C8orf34: variants seen among roughly 807,000 people sequenced by gnomAD.
C8orf34 encodes the protein uncharacterized protein C8orf34.
In C8orf34, 65 loss-of-function variants were observed where a neutral mutation model predicts 68.3. The observed-to-expected ratio is 0.95, with a 90% CI of 0.78 to 1.17. The LOEUF is 1.17. C8orf34 is among the 50% of genes most tolerant of loss of function. C8orf34 has a pLI of 0.00. For missense variants in C8orf34, 664 were observed against 655.4 expected (o/e 1.01, Z -0.14); for synonymous variants, 244 against 241.2 (o/e 1.01, Z -0.11).
intron 3 of C8orf34, 198 bp downstream of exon 3, chr8:68,446,658 A>G (rs1385230053): frequency 3.5e-6 from 2 of 567,996 alleles, no homozygotes; most frequent in Non-Finnish European, 3.0e-6. Context: ...ATTCTCAAAC[A>G]TGTGTAATTC....
intron 8 of C8orf34, among the ~76,000 whole-genome samples, chr8:68,647,634 T>C (rs907935923): frequency 6.6e-6 from 1 of 152,138 alleles, no homozygotes; most frequent in African/African-American, 2.4e-5. Context: ...GAGAGAGAAA[T>C]TAGGGCTACG....
chr8:68,375,759 A>G (rs1315822943), intron 1 of C8orf34, among the ~76,000 whole-genome samples: 1 of 152,236 alleles, frequency 6.6e-6, no homozygotes, highest in African/African-American at 2.4e-5. Context: ...GCAATTAGTC[A>G]GCATTTATTT....
chr8:68,625,180 G>GGAGCAAGGGAGCAA (rs1277527193), intron 7 of C8orf34, among the ~76,000 whole-genome samples: 5 of 152,098 alleles, frequency 3.3e-5, no homozygotes, highest in Non-Finnish European at 7.4e-5. Flanking sequence ...AAGGCTTCTG[G>GGAGCAAGGGAGCAA]GGTTGAGAAG....
intron 8 of C8orf34, among the ~76,000 whole-genome samples, chr8:68,666,385 T>C (rs17387474): frequency 0.19 from 28,828 of 152,226 alleles, 3,118 homozygotes; most frequent in Non-Finnish European, 0.24. Context: ...TTTGTGGCTA[T>C]GTCTGCCCTT....
At chr8:68,727,013 C>A (rs965639587) in intron 10 of C8orf34, among the ~76,000 whole-genome samples, 1 of 152,062 alleles carries the variant, frequency 6.6e-6, no homozygotes, top group African/African-American at 2.4e-5. Context: ...AGCAGTGCCC[C>A]AAAGTCTTAA....
At chr8:68,334,414 A>C (rs1328461468) in intron 1 of C8orf34, among the ~76,000 whole-genome samples, 1 of 151,428 alleles carries the variant, frequency 6.6e-6, no homozygotes, top group East Asian at 1.9e-4. Flanking sequence ...TACATCTTAC[A>C]AGATAAATAT....
At chr8:68,815,205 C>T (rs974904039) in intron 12 of C8orf34, among the ~76,000 whole-genome samples, 7 of 152,002 alleles carry the variant, frequency 4.6e-5, no homozygotes, top group African/African-American at 1.5e-4. Context: ...ATAGTCATGC[C>T]CCATTTCCCC....
intron 7 of C8orf34, among the ~76,000 whole-genome samples, chr8:68,616,356 T>C (rs1818213352): frequency 6.6e-6 from 1 of 152,230 alleles, no homozygotes; most frequent in Admixed American, 6.5e-5. Context: ...TTGCTCTTGC[T>C]TTTCTAGTCT....
At chr8:68,588,803 A>G (rs1817281566) in intron 7 of C8orf34, among the ~76,000 whole-genome samples, 1 of 152,162 alleles carries the variant, frequency 6.6e-6, no homozygotes, top group Non-Finnish European at 1.5e-5. Flanking sequence ...CAGCAAGACT[A>G]AAAGTTAGTC....
chr8:68,344,672 T>G (rs1016181991), intron 1 of C8orf34, among the ~76,000 whole-genome samples: 4 of 152,160 alleles, frequency 2.6e-5, no homozygotes, highest in Non-Finnish European at 5.9e-5. Context: ...TTTTTAACTT[T>G]CAAGAAAGTA....
At chr8:68,642,836 G>C (rs1225578523) in intron 8 of C8orf34, among the ~76,000 whole-genome samples, 1 of 152,120 alleles carries the variant, frequency 6.6e-6, no homozygotes, top group African/African-American at 2.4e-5. Context: ...TGATAGGGTG[G>C]ATTTTGAGAT....
intron 3 of C8orf34, among the ~76,000 whole-genome samples, chr8:68,463,935 T>C (rs1811978931): frequency 6.6e-6 from 1 of 152,212 alleles, no homozygotes; most frequent in African/African-American, 2.4e-5. Context: ...TTGGAAGTTC[T>C]GGCCAGGGCA....
At chr8:68,685,887 TAAATAAATAAATAAA>T (rs1299620334) in intron 8 of C8orf34, among the ~76,000 whole-genome samples, 20 of 101,954 alleles carry the variant, frequency 2.0e-4, no homozygotes, top group African/African-American at 6.7e-4. Context: ...AGTAAATAAA[TAAATAAATAAATAAA>T]TAAATAAATA....
chr8:68,777,049 A>T (rs764828258), intron 11 of C8orf34, among the ~76,000 whole-genome samples: 3 of 152,264 alleles, frequency 2.0e-5, no homozygotes, highest in Non-Finnish European at 4.4e-5. Context: ...GGCAGAGCCC[A>T]TAAAACTTGG....
At chr8:68,738,820 G>A (rs754601984) in intron 10 of C8orf34, among the ~76,000 whole-genome samples, 4 of 151,910 alleles carry the variant, frequency 2.6e-5, no homozygotes, top group Non-Finnish European at 5.9e-5. Context: ...AAAAGGCCAG[G>A]ATCAGATGGA....
At chr8:68,510,129 CT>C (rs1451344004) in intron 5 of C8orf34, among the ~76,000 whole-genome samples, 1 of 152,132 alleles carries the variant, frequency 6.6e-6, no homozygotes, top group Non-Finnish European at 1.5e-5. Flanking sequence ...TGACCCAAAG[CT>C]TGGAATTGAG....
chr8:68,472,722 C>T (rs115094766), intron 4 of C8orf34, among the ~76,000 whole-genome samples: 2,561 of 152,112 alleles, frequency 0.017, 83 homozygotes, highest in African/African-American at 0.057. Context: ...CAAAAGGAAA[C>T]GTGAAAACAA....
intron 11 of C8orf34, among the ~76,000 whole-genome samples, chr8:68,781,710 C>G (rs1823684148): frequency 6.6e-6 from 1 of 152,150 alleles, no homozygotes; most frequent in East Asian, 1.9e-4. Context: ...CGTTATATTA[C>G]TAGCTCTATT....
intron 1 of C8orf34, among the ~76,000 whole-genome samples, chr8:68,345,807 A>C (rs1442331729): frequency 6.6e-6 from 1 of 152,050 alleles, no homozygotes; most frequent in African/African-American, 2.4e-5. Context: ...AAGGTACAGA[A>C]ACATTTTCAT....
Sources: allele counts gnomAD v4.1 joint callset (sites outside exome capture counted in the v4.1 genomes callset), GRCh38; gene constraint gnomAD v4.1.1; transcripts MANE v1.5; gene names NCBI Gene and HGNC (gene_info 2026-07-23, HGNC 2026-07-21).